SCHIP1: variants seen among roughly 807,000 people sequenced by gnomAD.
SCHIP1 encodes the protein schwannomin interacting protein 1.
Under a neutral mutation model 29.7 loss-of-function variants are expected in SCHIP1, and 8 were observed. The ratio of observed to expected loss-of-function variants is 0.27; its 90% CI spans 0.16 to 0.49. The LOEUF (loss-of-function observed/expected upper bound fraction) is 0.49. Ranked by LOEUF, SCHIP1 falls within the 20% of genes least tolerant of loss-of-function variation. SCHIP1 has a pLI of 0.99. For missense variants in SCHIP1, 193 were observed against 294.6 expected (o/e 0.66, Z 2.52); for synonymous variants, 76 against 94.9 (o/e 0.80, Z 1.16).
the SCHIP1 span, among the ~76,000 whole-genome samples, chr3:159,435,548 A>G: frequency 6.6e-6 from 1 of 152,138 alleles, no homozygotes; most frequent in Non-Finnish European, 1.5e-5. Flanking sequence ...GGGATCTTCA[A>G]AATGATTGAA....
chr3:159,498,243 A>G, the SCHIP1 span, among the ~76,000 whole-genome samples: 1 of 152,220 alleles, frequency 6.6e-6, no homozygotes, highest in Non-Finnish European at 1.5e-5. Flanking sequence ...TTATATAATT[A>G]CTTCAGAACC....
chr3:159,793,856 C>T, the SCHIP1 span, among the ~76,000 whole-genome samples: 3 of 152,182 alleles, frequency 2.0e-5, no homozygotes, highest in Non-Finnish European at 4.4e-5. Context: ...CTGTGCCCGA[C>T]CTGTTTTCTT....
At chr3:159,473,778 T>G in the SCHIP1 span, among the ~76,000 whole-genome samples, 2 of 151,538 alleles carry the variant, frequency 1.3e-5, 1 homozygote, top group South Asian at 4.2e-4. Context: ...AGCATCTAGA[T>G]TTATAAAAAT....
chr3:159,680,971 A>G, the SCHIP1 span, among the ~76,000 whole-genome samples: 1 of 151,622 alleles, frequency 6.6e-6, no homozygotes, highest in Non-Finnish European at 1.5e-5. Context: ...TCGAATATCA[A>G]CTTTTGGAAA....
the SCHIP1 span, among the ~76,000 whole-genome samples, chr3:159,554,013 T>A: frequency 8.4e-6 from 1 of 118,806 alleles, no homozygotes. Flanking sequence ...TGTGTGTGTG[T>A]GTGTGTTTGT....
chr3:159,441,963 C>G, the SCHIP1 span, among the ~76,000 whole-genome samples: 1 of 152,016 alleles, frequency 6.6e-6, no homozygotes, highest in Non-Finnish European at 1.5e-5. Context: ...TCCCGAGCAG[C>G]TGGAATTATA....
chr3:159,278,469 A>T, the SCHIP1 span, among the ~76,000 whole-genome samples: 6 of 152,222 alleles, frequency 3.9e-5, no homozygotes, highest in African/African-American at 1.4e-4. Flanking sequence ...ATGCATAAAA[A>T]AGAAATGAAA....
chr3:159,403,039 A>T, the SCHIP1 span, among the ~76,000 whole-genome samples: 1 of 152,228 alleles, frequency 6.6e-6, no homozygotes, highest in Non-Finnish European at 1.5e-5. Flanking sequence ...CTAAACTAGC[A>T]TCATGGAAGA....
intron 1 of SCHIP1, among the ~76,000 whole-genome samples, chr3:159,855,784 A>T (rs141991033): frequency 9.9e-5 from 15 of 152,210 alleles, no homozygotes; most frequent in Non-Finnish European, 1.8e-4. Flanking sequence ...TTGCACTAAT[A>T]AATACCACAT....
At chr3:159,828,771 T>C in the SCHIP1 span, among the ~76,000 whole-genome samples, 1 of 152,106 alleles carries the variant, frequency 6.6e-6, no homozygotes, top group African/African-American at 2.4e-5. Context: ...TTTAGCAAAA[T>C]GCATTTGTAT....
chr3:159,737,115 A>C, the SCHIP1 span, among the ~76,000 whole-genome samples: 1 of 152,172 alleles, frequency 6.6e-6, no homozygotes, highest in African/African-American at 2.4e-5. Flanking sequence ...GGAAATTTCC[A>C]CTAAAGTGGG....
chr3:159,430,620 A>G, the SCHIP1 span, among the ~76,000 whole-genome samples: 1 of 152,168 alleles, frequency 6.6e-6, no homozygotes, highest in Non-Finnish European at 1.5e-5. Context: ...AGAAATTAAG[A>G]TACTTAATAT....
the SCHIP1 span, among the ~76,000 whole-genome samples, chr3:159,418,331 T>C: frequency 6.6e-6 from 1 of 152,188 alleles, no homozygotes; most frequent in Admixed American, 6.5e-5. Flanking sequence ...TCTAGATATC[T>C]AGACTTGGCA....
At chr3:159,711,218 G>A in the SCHIP1 span, among the ~76,000 whole-genome samples, 1 of 81,718 alleles carries the variant, frequency 1.2e-5, no homozygotes, top group Non-Finnish European at 2.0e-5. Context: ...AAAATTAGCC[G>A]GGCGTAGTGG....
chr3:159,565,134 G>C, the SCHIP1 span, among the ~76,000 whole-genome samples: 1 of 152,074 alleles, frequency 6.6e-6, no homozygotes, highest in Non-Finnish European at 1.5e-5. Context: ...GCCAAGCCTG[G>C]TGGACAGCCA....
chr3:159,698,253 A>G, the SCHIP1 span, among the ~76,000 whole-genome samples: 3 of 152,260 alleles, frequency 2.0e-5, no homozygotes, highest in Non-Finnish European at 4.4e-5. Context: ...GTCTGCCAGC[A>G]ATGGTAATAA....
At chr3:159,420,853 T>G in the SCHIP1 span, among the ~76,000 whole-genome samples, 1 of 152,230 alleles carries the variant, frequency 6.6e-6, no homozygotes, top group Non-Finnish European at 1.5e-5. Context: ...TAACACCTGC[T>G]TTGAGGATCA....
the SCHIP1 span, among the ~76,000 whole-genome samples, chr3:159,373,947 A>G: frequency 6.6e-6 from 1 of 152,144 alleles, no homozygotes; most frequent in African/African-American, 2.4e-5. Context: ...CACAAGTAAG[A>G]TTACTGGATC....
chr3:159,727,198 A>G, the SCHIP1 span, among the ~76,000 whole-genome samples: 1 of 152,250 alleles, frequency 6.6e-6, no homozygotes, highest in Non-Finnish European at 1.5e-5. Context: ...CTTTTCTAAA[A>G]AGAAAGATGT....
Sources: allele counts gnomAD v4.1 joint callset (sites outside exome capture counted in the v4.1 genomes callset), GRCh38; gene constraint gnomAD v4.1.1; transcripts MANE v1.5; gene names NCBI Gene and HGNC (gene_info 2026-07-23, HGNC 2026-07-21).